IQSEC1: variants seen among roughly 807,000 people sequenced by gnomAD.
IQSEC1 encodes the protein IQ motif and SEC7 domain-containing protein 1.
Under a neutral mutation model 91.0 loss-of-function variants are expected in IQSEC1, and 31 were observed. The ratio of observed to expected loss-of-function variants is 0.34; its 90% CI spans 0.26 to 0.46. IQSEC1 has a LOEUF of 0.46. Ranked by LOEUF, IQSEC1 falls within the 20% of genes least tolerant of loss-of-function variation. The pLI, the probability that IQSEC1 is intolerant of heterozygous loss-of-function variation, is 1.00. For synonymous variants in IQSEC1, 699 were observed against 662.6 expected (o/e 1.05, Z -0.84); for missense variants, 1,388 against 1,575.6 (o/e 0.88, Z 2.02).
At chr3:13,212,556 G>A (rs1694466242) in intron 1 of IQSEC1, among the ~76,000 whole-genome samples, 1 of 152,218 alleles carries the variant, frequency 6.6e-6, no homozygotes, top group Non-Finnish European at 1.5e-5. Context: ...GGGTCACAGG[G>A]TAACACATGT....
intron 2 of IQSEC1, among the ~76,000 whole-genome samples, chr3:13,124,700 C>T (rs1346359898): frequency 2.0e-5 from 3 of 152,160 alleles, no homozygotes; most frequent in Admixed American, 1.3e-4. Context: ...TCGTGGTGTA[C>T]TTGGCTCGGG....
In IQSEC1 at chr3:12,941,616, T is replaced by G; in HGVS notation, c.273A>C (p.Ser91=). The change falls in exon 2 of 14, where the codon TCA becomes TCC. Residue 91 remains serine (S), a synonymous_variant. Transcript: ENST00000613206. ...AEEEAIKRSR[S]LSESYELSSD... Reference sequence around the variant, plus strand: ...AGGAGAGCTCATAGCTCTCGGAGAGTGAGCGTGAGCGCTTGATGGCCTCCT... The same window carrying G: ...AGGAGAGCTCATAGCTCTCGGAGAGGGAGCGTGAGCGCTTGATGGCCTCCT... The G allele has an allele frequency of 6.2e-7, 1 of 1,608,392 alleles. No individual in the cohort carries two copies. Among genetic ancestry groups the G allele is most frequent in the African/African-American group, 1.3e-5 (1 of 74,914 alleles).
At chr3:13,147,058 T>C (rs1307365423) in intron 2 of IQSEC1, among the ~76,000 whole-genome samples, 1 of 152,144 alleles carries the variant, frequency 6.6e-6, no homozygotes, top group African/African-American at 2.4e-5. Flanking sequence ...GCTGGGAGTA[T>C]GGTACCTCCC....
intron 1 of IQSEC1, among the ~76,000 whole-genome samples, chr3:13,244,010 C>G (rs1215518263): frequency 6.6e-6 from 1 of 152,230 alleles, no homozygotes; most frequent in African/African-American, 2.4e-5. Flanking sequence ...TTGCTTGACA[C>G]ACATTTGTGG....
Position 12,922,714 on chromosome 3 carries a change from G to T in IQSEC1, c.1731-472C>A, listed in dbSNP as rs888561457. Among the ~76,000 whole-genome samples, 7 of 152,148 alleles carry T rather than the reference G, an allele frequency of 4.6e-5. No homozygotes were observed. The highest frequency in any genetic ancestry group is 1.7e-4 in the African/African-American group (7 of 41,438). Reference sequence around the variant, plus strand: ...GTTCTCTTGTGGGGAGAGTATCGGGGTGGTGGGCTGGGTTTTGCAGATGCT... The same window carrying T: ...GTTCTCTTGTGGGGAGAGTATCGGGTTGGTGGGCTGGGTTTTGCAGATGCT... On this transcript the variant is annotated intron_variant, in intron 4 of 13. Transcript: ENST00000613206. The surrounding 1 kb of genome is among the most constrained non-coding windows in gnomAD (Gnocchi z 5.1).
chr3:13,221,690 C>T (rs979506437), intron 1 of IQSEC1, among the ~76,000 whole-genome samples: 1 of 152,268 alleles, frequency 6.6e-6, no homozygotes, highest in African/African-American at 2.4e-5. Flanking sequence ...GGCTTCCATC[C>T]CTCCAATGGG....
chr3:13,104,554 G>C (rs549125801), intron 2 of IQSEC1, among the ~76,000 whole-genome samples: 1 of 152,140 alleles, frequency 6.6e-6, no homozygotes, highest in Non-Finnish European at 1.5e-5. Context: ...TCGGAACAGG[G>C]ACCACCTGGG....
At chr3:13,059,097 G>C (rs995017127) in intron 1 of IQSEC1, among the ~76,000 whole-genome samples, 3 of 152,086 alleles carry the variant, frequency 2.0e-5, no homozygotes. Context: ...GTGACACCAA[G>C]GTCACTGTCC....
chr3:13,049,948 G>A (rs1704635613), intron 1 of IQSEC1, among the ~76,000 whole-genome samples: 1 of 152,176 alleles, frequency 6.6e-6, no homozygotes, highest in South Asian at 2.1e-4. Context: ...AAACTGTCAG[G>A]TGGATGCAAT....
chr3:13,109,551 T>C (rs1375149851), intron 2 of IQSEC1, among the ~76,000 whole-genome samples: 1 of 152,106 alleles, frequency 6.6e-6, no homozygotes, highest in Non-Finnish European at 1.5e-5. Flanking sequence ...TGGGTGGTGT[T>C]TGGGTCATAC....
At chr3:13,145,335 C>A (rs1706871493) in intron 2 of IQSEC1, among the ~76,000 whole-genome samples, 1 of 152,174 alleles carries the variant, frequency 6.6e-6, no homozygotes, top group South Asian at 2.1e-4. Context: ...ACCCAGCTGT[C>A]TACTCCACCC....
chr3:13,278,517 G>A lies in IQSEC1; in HGVS notation c.272+4194C>T, dbSNP rs376398454. 3.0e-3 allele frequency among the ~76,000 whole-genome samples: 459 copies of A among 152,264 alleles called. 2 individuals carry two copies. The highest frequency in any genetic ancestry group is 0.011 in the African/African-American group (439 of 41,534). On this transcript the variant is annotated intron_variant, in intron 1 of 15. Coordinates refer to the IQSEC1 transcript ENST00000648114. ...CGACAGCATGAAGGGCAGGTGGTGG[G>A]TGGATAGGAGCTGGGGGGAGGCTGG...
At position 13,027,092 on chromosome 3, in the gene IQSEC1, C is replaced by T. The variant is rs553541306; in HGVS notation, c.23+45900G>A. The stretch of plus-strand genomic sequence containing the variant: ...AGGAAGGCACATACACCGAGTTGGC[C>T]GAACTTCAAAACCCTGGATCCCCCT... On this transcript the variant is annotated intron_variant, in intron 1 of 13. Transcript: ENST00000613206. Among the ~76,000 whole-genome samples, 107 of 152,236 alleles carry T rather than the reference C, an allele frequency of 7.0e-4. 2 individuals carry two copies. In the South Asian group the frequency reaches 0.018, roughly 26 times the overall value.
chr3:13,043,749 A>G (rs1369175261), intron 1 of IQSEC1, among the ~76,000 whole-genome samples: 1 of 152,210 alleles, frequency 6.6e-6, no homozygotes, highest in Non-Finnish European at 1.5e-5. Flanking sequence ...GGAAGGAAGG[A>G]AGGATCTTGT....
intron 1 of IQSEC1, among the ~76,000 whole-genome samples, chr3:13,186,443 G>T (rs900672337): frequency 6.6e-6 from 1 of 152,188 alleles, no homozygotes; most frequent in Non-Finnish European, 1.5e-5. Flanking sequence ...CCCACACCTG[G>T]AAAGAAGTCG....
chr3:13,130,466 T>G (rs895971940), intron 2 of IQSEC1, among the ~76,000 whole-genome samples: 5 of 152,160 alleles, frequency 3.3e-5, no homozygotes, highest in Non-Finnish European at 2.9e-5. Flanking sequence ...TTTAAATATA[T>G]TGAGATTTAT....
At chr3:12,932,691 A>G (rs983009304) in intron 3 of IQSEC1, among the ~76,000 whole-genome samples, 1 of 152,234 alleles carries the variant, frequency 6.6e-6, no homozygotes, top group Non-Finnish European at 1.5e-5. Context: ...TTCCGGGTGC[A>G]GGCAGTGAGG....
intron 9 of IQSEC1, 25 bp from the exon 10 acceptor site, chr3:12,911,753 G>A (rs1372220871): frequency 2.0e-6 from 3 of 1,513,930 alleles, no homozygotes; most frequent in African/African-American, 2.7e-5. Flanking sequence ...AGACAGAGCT[G>A]AGCTACAGTG....
Position 12,924,359 on chromosome 3 carries a change from G to A in IQSEC1, c.1730+222C>T, listed in dbSNP as rs756636658. The stretch of plus-strand genomic sequence containing the variant: ...GGTGGGCGGACAGGCAGTGGGGTTC[G>A]CATGTGGGATGGTGCATTGGAGGGC... On this transcript the variant is annotated intron_variant, in intron 4 of 13. Transcript: ENST00000613206. The surrounding 1 kb of genome is among the most constrained non-coding windows in gnomAD (Gnocchi z 6.3). 1.1e-4 allele frequency among the ~76,000 whole-genome samples: 16 copies of A among 152,142 alleles called. No homozygotes were observed. The highest frequency in any genetic ancestry group is 2.1e-4 in the Non-Finnish European group (14 of 68,008).
Sources: gnomAD v4.1 joint callset for allele counts (sites outside exome capture counted in the v4.1 genomes callset) on GRCh38, gnomAD v4.1.1 for gene constraint, Gnocchi (gnomAD v3.1) non-coding constraint, MANE v1.5 for transcripts, NCBI Gene and HGNC (gene_info 2026-07-23, HGNC 2026-07-21) for gene names.